Variants in NCOR2 observed in about 807,000 individuals in gnomAD.
NCOR2 encodes nuclear receptor corepressor 2.
In NCOR2, 81 loss-of-function variants were observed where a neutral mutation model predicts 262.9. The ratio of observed to expected loss-of-function variants is 0.31; its 90% CI spans 0.26 to 0.37. The LOEUF is 0.37. Ranked by LOEUF, NCOR2 falls within the 10% of genes least tolerant of loss-of-function variation. NCOR2 has a pLI of 1.00. For synonymous variants in NCOR2, 1,659 were observed against 1,559.3 expected (o/e 1.06, Z -1.51); for missense variants, 3,385 against 3,621.4 (o/e 0.93, Z 1.68).
At chr12:124,406,667 G>A (rs571924535) in intron 13 of NCOR2, among the ~76,000 whole-genome samples, 1 of 152,272 alleles carries the variant, frequency 6.6e-6, no homozygotes, top group African/African-American at 2.4e-5. Flanking sequence ...TGTGCCCTGT[G>A]CGTGGTCAGA....
intron 17 of NCOR2, among the ~76,000 whole-genome samples, chr12:124,381,796 C>T (rs59592829): frequency 3.9e-5 from 6 of 152,260 alleles, no homozygotes; most frequent in East Asian, 1.9e-4. Flanking sequence ...GACTGAGGAA[C>T]GTGGAAGCCG....
At chr12:124,345,550 G>A (rs2036852484) in intron 31 of NCOR2, among the ~76,000 whole-genome samples, 1 of 152,186 alleles carries the variant, frequency 6.6e-6, no homozygotes, top group Non-Finnish European at 1.5e-5. Context: ...TTGATATGGT[G>A]GGACTTTAGG....
rs534634659 is a variant in NCOR2, at chr12:124,359,967, G to A, written c.3100+2159C>T. Among the ~76,000 whole-genome samples the A allele has an allele frequency of 1.4e-4, 22 of 152,232 alleles. 1 individual carries two copies. The highest frequency in any genetic ancestry group is 4.1e-4 in the South Asian group (2 of 4,838). On this transcript the variant is annotated intron_variant, in intron 22 of 46. Coordinates refer to ENST00000405201, the Ensembl canonical transcript of NCOR2. ...TGCAGGGCCTAACGCCAGGTGCACCGTCCCCACGGGGAATGAGGCCAGGAA... is the reference window on the plus strand; with the variant it reads ...TGCAGGGCCTAACGCCAGGTGCACCATCCCCACGGGGAATGAGGCCAGGAA...
intron 25 of NCOR2, 67 bp from the exon 28 acceptor site, chr12:124,354,649 C>A (rs2037798686): frequency 2.8e-6 from 4 of 1,412,326 alleles, no homozygotes; most frequent in African/African-American, 1.4e-5. Context: ...TTGTCCCCAC[C>A]CAACCTGAGC....
rs910676790 is a variant in NCOR2, at chr12:124,518,777, C to T, written c.-118+16788G>A. 3.9e-5 allele frequency among the ~76,000 whole-genome samples: 6 copies of T among 152,348 alleles called. No homozygotes were observed. The South Asian group carries it at 1.0e-3, about 26-fold the overall frequency. ...GCTCGCTGGCAGGCGAAAGAGAGCT[C>T]CAGCCCCGCTTCTCCCACTTTAACC... On this transcript the variant is annotated intron_variant, in intron 1 of 46. Coordinates refer to the NCOR2 transcript ENST00000404621.
In NCOR2 at chr12:124,440,861, A is replaced by G. The variant is rs1390005581; in HGVS notation, c.816-2865T>C. On this transcript the variant is annotated intron_variant, in intron 7 of 46. Transcript: ENST00000405201. This position sits in a 1 kb window ranked among gnomAD's most constrained non-coding sequence, Gnocchi z 5.7. The stretch of plus-strand genomic sequence containing the variant: ...TCATCAGAAGGACCCGGCTCTGGGA[A>G]GATCCAGAAGGAAGGGAACTCCAGC... 6.6e-6 allele frequency among the ~76,000 whole-genome samples: 1 copy of G among 152,166 alleles called. No homozygotes were observed. Among genetic ancestry groups the G allele is most frequent in the African/African-American group, 2.4e-5 (1 of 41,448 alleles).
At chr12:124,451,270 C>T (rs1472337109) in intron 6 of NCOR2, among the ~76,000 whole-genome samples, 1 of 152,254 alleles carries the variant, frequency 6.6e-6, no homozygotes, top group African/African-American at 2.4e-5. Flanking sequence ...GCTGAGCCCA[C>T]ACCAGCAGAA....
rs1332583199 is a variant in NCOR2, at chr12:124,430,837, C to T, written c.883-50G>A. 6 of 1,545,254 alleles carry T rather than the reference C, an allele frequency of 3.9e-6. No individual in the cohort carries two copies. In the South Asian group the frequency reaches 4.9e-5, roughly 13 times the overall value. On this transcript the variant is annotated intron_variant, in intron 8 of 46. Transcript: ENST00000405201. ...GGAAGATGCTCCTGCACCTGGCACCCGCCGCCTCCCCCCTGCCCACTCACA... is the reference window on the plus strand; with the variant it reads ...GGAAGATGCTCCTGCACCTGGCACCTGCCGCCTCCCCCCTGCCCACTCACA...
chr12:124,426,509 G>A (rs2043559464), intron 11 of NCOR2, 113 bp downstream of exon 13: 11 of 1,090,400 alleles, frequency 1.0e-5, no homozygotes, highest in Non-Finnish European at 1.4e-5. Context: ...AATCCCTGCG[G>A]TTTTAAGCAC....
At chr12:124,327,020 GC>G (rs1426449251) in intron 45 of NCOR2, among the ~76,000 whole-genome samples, 2 of 152,202 alleles carry the variant, frequency 1.3e-5, no homozygotes, top group Non-Finnish European at 2.9e-5. Flanking sequence ...AGGCCTGGCT[GC>G]CATTCCCCTG....
chr12:124,369,398 A>ATGGG (rs2039300444), intron 20 of NCOR2, among the ~76,000 whole-genome samples: 1 of 151,976 alleles, frequency 6.6e-6, no homozygotes, highest in Non-Finnish European at 1.5e-5. Flanking sequence ...AGGAACACAG[A>ATGGG]GCTCCCCCAC....
chr12:124,447,167 G>A (rs1417536291), intron 7 of NCOR2, among the ~76,000 whole-genome samples: 5 of 152,322 alleles, frequency 3.3e-5, no homozygotes, highest in East Asian at 3.9e-4. Context: ...TGCCCGCCTC[G>A]GCCTTCCAAA....
intron 11 of NCOR2, among the ~76,000 whole-genome samples, chr12:124,422,830 G>C (rs1030490414): frequency 6.6e-6 from 1 of 152,232 alleles, no homozygotes; most frequent in Admixed American, 6.5e-5. Context: ...GCGGCTTCCA[G>C]GAAAAATGAG....
intron 1 of NCOR2, among the ~76,000 whole-genome samples, chr12:124,560,592 G>A (rs2052036352): frequency 1.3e-5 from 2 of 152,156 alleles, no homozygotes; most frequent in South Asian, 4.1e-4. Context: ...CTATGACGGC[G>A]AAAATCAAAC....
At chr12:124,388,632 C>T in intron 16 of NCOR2, 1 of 1,300,906 alleles carries the variant, frequency 7.7e-7, no homozygotes, top group Non-Finnish European at 1.0e-6. Context: ...ACGTTGCGGT[C>T]CCTGTCCCTG....
chr12:124,563,403 A>G (rs2052133026), intron 1 of NCOR2, among the ~76,000 whole-genome samples: 1 of 152,228 alleles, frequency 6.6e-6, no homozygotes, highest in South Asian at 2.1e-4. Context: ...TGATAATAAC[A>G]ATGATGCTAA....
rs200740729 is a variant in NCOR2 at position 124,363,683 on chromosome 12, G to T, written c.2924C>A (p.Pro975His). The stretch of plus-strand genomic sequence containing the variant: ...GCTCTGGGGGTGGGCACTCACGATG[G>T]GGGGGATGGCAGCCGCTCGCTGCTT... The change falls in exon 21 of 47, where the codon CCC (proline) becomes CAC (histidine). Residue 975 changes from proline (P) to histidine (H), a missense_variant. This residue lies in a region of NCOR2 where 1,615 missense variants were observed against 1,626.9 expected (regional missense o/e 0.99). Coordinates refer to ENST00000405201, the Ensembl canonical transcript of NCOR2. 2.7e-5 allele frequency: 37 copies of T among 1,388,734 alleles called. No homozygotes were observed. The highest frequency in any genetic ancestry group is 1.9e-4 in the East Asian group (7 of 36,390). The allele number at this position is 1,388,734 out of a possible 1,614,324, so 86.0% of individuals were successfully genotyped here. A position where few individuals can be genotyped will look rare whatever the true frequency, so the allele number is the denominator to read the frequency against.
Position 124,483,509 on chromosome 12 carries a change from C to T in NCOR2, c.411+87G>A. On this transcript the variant is annotated intron_variant, in intron 3 of 46. Transcript: ENST00000405201. This position sits in a 1 kb window ranked among gnomAD's most constrained non-coding sequence, Gnocchi z 6.3. The stretch of plus-strand genomic sequence containing the variant: ...CTTTGCCCGAGCTGCCCCCTCCCTG[C>T]ACCCCTACCCACCACCTCCCACCCA... 2.9e-6 allele frequency: 4 copies of T among 1,372,972 alleles called. No individual in the cohort carries two copies. The highest frequency in any genetic ancestry group is 1.6e-5 in the South Asian group (1 of 64,338). The allele number at this position is 1,372,972 out of a possible 1,614,324, so 85.0% of individuals were successfully genotyped here.
At chr12:124,426,640 T>C in exon 11 of NCOR2, 1 of 1,589,562 alleles carries the variant, frequency 6.3e-7, no homozygotes, top group Non-Finnish European at 8.6e-7. Flanking sequence ...GAAGGTCTCC[T>C]TCTCCTGCTC....
Sources: gnomAD v4.1 joint callset for allele counts (sites outside exome capture counted in the v4.1 genomes callset) on GRCh38, gnomAD v4.1.1 for gene constraint, gnomAD v4.1.1 regional missense constraint, Gnocchi (gnomAD v3.1) non-coding constraint, MANE v1.5 for transcripts, NCBI Gene and HGNC (gene_info 2026-07-23, HGNC 2026-07-21) for gene names.